CYP2C19: variants seen among roughly 807,000 people sequenced by gnomAD.
CYP2C19 encodes the protein cytochrome P450 2C19.
CYP2C19 carries 59 observed loss-of-function variants against 40.9 expected under a neutral mutation model. That is an observed-to-expected ratio of 1.44 (90% CI 1.17 to 1.79). CYP2C19 has a LOEUF of 1.79. Ranked by LOEUF, CYP2C19 falls within the 40% of genes most tolerant of loss-of-function variation. The pLI is 0.00. For synonymous variants in CYP2C19, 253 were observed against 208.7 expected, an observed-to-expected ratio of 1.21 and a Z score of -1.83; for missense variants, 754 against 596.9, an observed-to-expected ratio of 1.26 and a Z score of -2.74.
At chr10:94,810,015 G>A (rs1848890215) in intron 5 of CYP2C19, among the ~76,000 whole-genome samples, 2 of 152,096 alleles carry the variant, frequency 1.3e-5, no homozygotes, top group South Asian at 4.1e-4. Context: ...CTGAATAGCT[G>A]GAATTACAGA....
chr10:94,842,703 C>A, intron 6 of CYP2C19, 134 bp from the exon 7 acceptor site: 1 of 1,010,902 alleles, frequency 9.9e-7, no homozygotes, highest in Non-Finnish European at 1.5e-6. Context: ...TTAAGTTACA[C>A]ATACTTCCAG....
chr10:94,767,746 T>C (rs1848267682), intron 1 of CYP2C19, among the ~76,000 whole-genome samples: 1 of 152,284 alleles, frequency 6.6e-6, no homozygotes, highest in Non-Finnish European at 1.5e-5. Context: ...TTTTAAGTAT[T>C]TTCCACTGGC....
intron 6 of CYP2C19, among the ~76,000 whole-genome samples, chr10:94,828,020 T>A (rs1244143817): frequency 6.6e-6 from 1 of 152,026 alleles, no homozygotes; most frequent in Non-Finnish European, 1.5e-5. Flanking sequence ...TGCACTGTGG[T>A]CTGAGAGACA....
intron 6 of CYP2C19, among the ~76,000 whole-genome samples, chr10:94,831,438 A>G (rs917443650): frequency 1.3e-5 from 2 of 152,190 alleles, no homozygotes; most frequent in Non-Finnish European, 2.9e-5. Context: ...TTTTTAAAAA[A>G]CTTACAATAT....
At chr10:94,851,270 A>G (rs977405487) in intron 8 of CYP2C19, among the ~76,000 whole-genome samples, 5 of 151,898 alleles carry the variant, frequency 3.3e-5, no homozygotes, top group Non-Finnish European at 5.9e-5. Flanking sequence ...GAAAGGCTAC[A>G]CACTTTTAAA....
chr10:94,779,222 G>A (rs888186867), intron 3 of CYP2C19, among the ~76,000 whole-genome samples: 10 of 152,124 alleles, frequency 6.6e-5, no homozygotes, highest in Non-Finnish European at 1.2e-4. Context: ...CATGGCACAT[G>A]TATACCTATG....
At chr10:94,842,270 G>A (rs7076598) in intron 6 of CYP2C19, among the ~76,000 whole-genome samples, 2,553 of 151,462 alleles carry the variant, frequency 0.017, 73 homozygotes, top group East Asian at 0.063. Context: ...TACAGTTTTC[G>A]TCTTGAAATC....
rs756116208 is a variant in CYP2C19 at position 94,775,023 on chromosome 10, A to G, written c.169-35A>G. 18 of 1,605,730 alleles carry G rather than the reference A, an allele frequency of 1.1e-5. No homozygotes were observed. The South Asian group carries it at 1.8e-4, about 16-fold the overall frequency. On this transcript the variant is annotated intron_variant, in intron 1 of 8. Coordinates refer to ENST00000371321, the MANE Select transcript of CYP2C19 (RefSeq NM_000769.4). ...GGCTTAGTAAATGGACAAAACAGTG[A>G]CTTCATTTGCTGTTAACTGTATCTC...
intron 5 of CYP2C19, among the ~76,000 whole-genome samples, chr10:94,783,328 G>T (rs1848502102): frequency 6.6e-6 from 1 of 152,036 alleles, no homozygotes; most frequent in Non-Finnish European, 1.5e-5. Context: ...TAAAATATTT[G>T]CAGTGAGAGT....
intron 6 of CYP2C19, among the ~76,000 whole-genome samples, chr10:94,841,830 T>G (rs552021063): frequency 6.6e-6 from 1 of 152,320 alleles, no homozygotes; most frequent in South Asian, 2.1e-4. Flanking sequence ...TGATGGCTAG[T>G]TTTATTACTT....
intron 5 of CYP2C19, among the ~76,000 whole-genome samples, chr10:94,818,447 G>A (rs2134266353): frequency 6.6e-6 from 1 of 152,012 alleles, no homozygotes; most frequent in South Asian, 2.1e-4. Context: ...GTAGCTTGAT[G>A]GAGATGGCAT....
At chr10:94,781,525 G>T (rs1848478074) in intron 4 of CYP2C19, among the ~76,000 whole-genome samples, 1 of 152,038 alleles carries the variant, frequency 6.6e-6, no homozygotes. Context: ...TTTCAAGATT[G>T]TAGAGAAGAA....
intron 3 of CYP2C19, among the ~76,000 whole-genome samples, chr10:94,780,071 C>G (rs1266715156): frequency 6.6e-6 from 1 of 152,160 alleles, no homozygotes; most frequent in African/African-American, 2.4e-5. Context: ...TGGTTCAATA[C>G]ATGATTCTTT....
chr10:94,822,811 G>A (rs1173465076), intron 6 of CYP2C19, among the ~76,000 whole-genome samples: 1 of 151,812 alleles, frequency 6.6e-6, no homozygotes, highest in Non-Finnish European at 1.5e-5. Context: ...ATTTTGATTT[G>A]GATTTCTCTG....
intron 5 of CYP2C19, among the ~76,000 whole-genome samples, chr10:94,797,283 C>T (rs1196184746): frequency 6.6e-6 from 1 of 151,928 alleles, no homozygotes; most frequent in Non-Finnish European, 1.5e-5. Flanking sequence ...TGTTTATATG[C>T]TGGATTACGT....
At chr10:94,793,413 T>C in intron 5 of CYP2C19, among the ~76,000 whole-genome samples, 1 of 152,182 alleles carries the variant, frequency 6.6e-6, no homozygotes, top group East Asian at 1.9e-4. Context: ...AAGGAGCTGC[T>C]TCCTTTGGAG....
At chr10:94,787,048 T>G (rs1223766543) in intron 5 of CYP2C19, among the ~76,000 whole-genome samples, 1 of 152,140 alleles carries the variant, frequency 6.6e-6, no homozygotes, top group Non-Finnish European at 1.5e-5. Context: ...GATAATTTTG[T>G]TTTTAGTTCT....
At chr10:94,783,470 T>C (rs1360741038) in intron 5 of CYP2C19, among the ~76,000 whole-genome samples, 5 of 152,238 alleles carry the variant, frequency 3.3e-5, no homozygotes, top group Admixed American at 6.5e-5. Flanking sequence ...CAGATAAGAA[T>C]TGGAATTTGG....
intron 6 of CYP2C19, among the ~76,000 whole-genome samples, chr10:94,824,841 A>G (rs1849189342): frequency 7.8e-6 from 1 of 127,692 alleles, no homozygotes; most frequent in Non-Finnish European, 1.6e-5. Context: ...AGAGTGTGAT[A>G]TTCCCCTTCC....
Sources: gnomAD v4.1 joint callset for allele counts (sites outside exome capture counted in the v4.1 genomes callset) on GRCh38, gnomAD v4.1.1 for gene constraint, MANE v1.5 for transcripts, NCBI Gene and HGNC (gene_info 2026-07-23, HGNC 2026-07-21) for gene names.